The following MTAP variants were observed in gnomAD, a reference collection of about 807,000 sequenced individuals.
MTAP encodes S-methyl-5'-thioadenosine phosphorylase.
MTAP carries 33 observed loss-of-function variants against 33.6 expected under a neutral mutation model. That is an observed-to-expected ratio of 0.98 (90% confidence interval 0.74 to 1.31). The LOEUF (loss-of-function observed/expected upper bound fraction) is 1.31, where lower values mean the gene tolerates loss of function less well. Ranked by LOEUF, MTAP falls within the 40% of genes most tolerant of loss-of-function variation. The pLI is 0.00. For synonymous variants in MTAP, 148 were observed against 125.7 expected, an observed-to-expected ratio of 1.18 and a Z score of -1.19; for missense variants, 367 against 360.0, an observed-to-expected ratio of 1.02 and a Z score of -0.16.
downstream of MTAP, among the ~76,000 whole-genome samples, chr9:21,869,149 T>C (rs1468939322): frequency 1.3e-5 from 2 of 152,212 alleles, no homozygotes; most frequent in Non-Finnish European, 2.9e-5. Flanking sequence ...CCCAATTCTA[T>C]GTGCTGGCTC....
chr9:21,936,036 G>A (rs1563876486), downstream of MTAP: 1 of 152,188 alleles, frequency 6.6e-6, no homozygotes. Flanking sequence ...AGCCAGATCT[G>A]AAAAATGTTT....
chr9:21,930,713 A>G, intron 1 of MTAP: 1 of 622,718 alleles, frequency 1.6e-6, no homozygotes, highest in Admixed American at 2.5e-5. Context: ...GTCAAGGACT[A>G]GATATGTTAA....
At chr9:21,889,044 A>C (rs988454852) in intron 1 of MTAP, among the ~76,000 whole-genome samples, 2 of 152,082 alleles carry the variant, frequency 1.3e-5, no homozygotes, top group South Asian at 2.1e-4. Flanking sequence ...AAGCCAGGGA[A>C]ATTTTCTTTG....
intron 4 of MTAP, among the ~76,000 whole-genome samples, chr9:21,830,687 G>A (rs1824944250): frequency 6.6e-6 from 1 of 152,134 alleles, no homozygotes; most frequent in Admixed American, 6.5e-5. Context: ...TTGTATGTAT[G>A]CACACCTGGC....
intron 6 of MTAP, among the ~76,000 whole-genome samples, chr9:21,856,702 G>A (rs1691700334): frequency 6.6e-6 from 1 of 152,168 alleles, no homozygotes; most frequent in South Asian, 2.1e-4. Flanking sequence ...ATTAAGCTCT[G>A]TAAGTGGAAA....
intron 1 of MTAP, among the ~76,000 whole-genome samples, chr9:21,918,448 A>G (rs1043320938): frequency 2.0e-5 from 3 of 151,788 alleles, no homozygotes; most frequent in Non-Finnish European, 4.4e-5. Flanking sequence ...TATTGGGTAC[A>G]GTATAAACTG....
chr9:21,903,976 A>G (rs1010673049), intron 1 of MTAP, among the ~76,000 whole-genome samples: 3 of 152,176 alleles, frequency 2.0e-5, no homozygotes. Flanking sequence ...GAAGAATCAC[A>G]CGTGGACTTG....
chr9:21,818,310 T>G lies in MTAP; in HGVS notation c.347+108T>G, dbSNP rs1587205519. On this transcript the variant is annotated intron_variant, in intron 4 of 7. Coordinates refer to ENST00000644715, the MANE Select transcript of MTAP (RefSeq NM_002451.4). ...CAACTGGGAGGGCAGTGCCACAGAC[T>G]CGCTTGCTTTTTTTTTTTTTTTTTT... 4 of 419,556 alleles carry G rather than the reference T, an allele frequency of 9.5e-6. No individual in the cohort carries two copies. In the East Asian group the frequency reaches 2.8e-4, roughly 29 times the overall value. The allele number at this position is 419,556 out of a possible 1,614,324, so 26.0% of individuals were successfully genotyped here. A position where few individuals can be genotyped will look rare whatever the true frequency, so the allele number is the denominator to read the frequency against.
chr9:21,864,637 C>G lies in MTAP; in HGVS notation c.*2623C>G, dbSNP rs1825820375. The stretch of plus-strand genomic sequence containing the variant: ...TGGCCCCTGTTCACTGCCCCCTTCG[C>G]TAGCACGAGTTGCTGTGCAGGGCTG... On this transcript the variant is annotated 3_prime_UTR_variant, in exon 8 of 8. Transcript: ENST00000644715. 10 of 985,536 alleles carry G rather than the reference C, an allele frequency of 1.0e-5. No homozygotes were observed. The highest frequency in any genetic ancestry group is 1.2e-5 in the Non-Finnish European group (10 of 830,002). 61.0% of individuals were successfully genotyped at this position (985,536 alleles called of 1,614,324 possible).
chr9:21,805,872 A>G (rs1216525489), intron 1 of MTAP, among the ~76,000 whole-genome samples: 2 of 152,202 alleles, frequency 1.3e-5, no homozygotes, highest in Non-Finnish European at 2.9e-5. Flanking sequence ...TTAAGCTGAT[A>G]GTGAAAATAG....
chr9:21,900,563 G>A (rs781424141), intron 1 of MTAP, among the ~76,000 whole-genome samples: 1 of 152,174 alleles, frequency 6.6e-6, no homozygotes, highest in African/African-American at 2.4e-5. Flanking sequence ...ATACACTGCT[G>A]GTGGGAATGT....
intron 2 of MTAP, among the ~76,000 whole-genome samples, chr9:21,815,872 C>G (rs996147918): frequency 2.0e-5 from 3 of 152,182 alleles, no homozygotes; most frequent in Admixed American, 6.5e-5. Flanking sequence ...TCACACCACA[C>G]TAATTAGGGG....
rs1402621827 is a variant in MTAP at position 21,864,175 on chromosome 9, G to A, written c.*2161G>A. 3.0e-6 allele frequency: 3 copies of A among 985,242 alleles called. No homozygotes were observed. In the Admixed American group the frequency reaches 1.8e-4, roughly 61 times the overall value. 61.0% of individuals were successfully genotyped at this position (985,242 alleles called of 1,614,324 possible). A position where few individuals can be genotyped will look rare whatever the true frequency, so the allele number is the denominator to read the frequency against. On this transcript the variant is annotated 3_prime_UTR_variant, in exon 8 of 8. Transcript: ENST00000644715. ...CAGAGGTACTTTTCTTGATTAAATA[G>A]CCTTCTCTAGCAACATCATTTTCAG...
intron 1 of MTAP, among the ~76,000 whole-genome samples, chr9:21,884,654 A>T (rs1818079229): frequency 6.6e-6 from 1 of 152,118 alleles, no homozygotes; most frequent in African/African-American, 2.4e-5. Flanking sequence ...CATGGCCGCT[A>T]GTGAACTCTA....
intron 4 of MTAP, 142 bp downstream of exon 4, chr9:21,818,344 T>TTTTTTTG (rs1824539223): frequency 1.7e-6 from 1 of 574,206 alleles, no homozygotes; most frequent in Non-Finnish European, 2.7e-6. Flanking sequence ...TTTTTTTTTT[T>TTTTTTTG]GGAGACGGAG....
At chr9:21,926,933 G>A (rs1429475554) in intron 1 of MTAP, among the ~76,000 whole-genome samples, 2 of 152,100 alleles carry the variant, frequency 1.3e-5, no homozygotes, top group African/African-American at 4.8e-5. Context: ...CCACCTAAAA[G>A]CAACTTTGGG....
intron 1 of MTAP, among the ~76,000 whole-genome samples, chr9:21,903,135 T>C (rs1818418930): frequency 6.6e-6 from 1 of 152,130 alleles, no homozygotes; most frequent in South Asian, 2.1e-4. Context: ...TCTGTAGCAT[T>C]GAATGGGGCC....
rs76428687 is a variant in MTAP at position 21,835,115 on chromosome 9, T to C, written c.348-2793T>C. ...TACTTTCTCACAGATAGCACCTTCTTATTGTGTCCTTACATGGTGGTAGAA... is the reference window on the plus strand; with the variant it reads ...TACTTTCTCACAGATAGCACCTTCTCATTGTGTCCTTACATGGTGGTAGAA... On this transcript the variant is annotated intron_variant, in intron 4 of 7. Transcript: ENST00000644715. Among the ~76,000 whole-genome samples, 964 of 152,294 alleles carry C rather than the reference T, an allele frequency of 6.3e-3. 24 individuals carry two copies. Among genetic ancestry groups the C allele is most frequent in the East Asian group, 0.056 (292 of 5,174 alleles).
intron 4 of MTAP, among the ~76,000 whole-genome samples, chr9:21,828,118 G>A (rs1222169106): frequency 6.6e-6 from 1 of 152,212 alleles, no homozygotes; most frequent in African/African-American, 2.4e-5. Context: ...AACAGGTATT[G>A]CCATCAGATC....
Sources: allele counts gnomAD v4.1 joint callset (sites outside exome capture counted in the v4.1 genomes callset), GRCh38; gene constraint gnomAD v4.1.1; transcripts MANE v1.5; gene names NCBI Gene and HGNC (gene_info 2026-07-23, HGNC 2026-07-21).